Variants in PTPN13 observed in about 807,000 individuals in gnomAD.
The protein encoded by PTPN13 is protein tyrosine phosphatase non-receptor type 13.
In PTPN13, 191 loss-of-function variants were observed where a neutral mutation model predicts 284.0. That is an observed-to-expected ratio of 0.67 (90% confidence interval 0.60 to 0.76). The LOEUF (loss-of-function observed/expected upper bound fraction) is 0.76. Ranked by LOEUF, PTPN13 falls within the 30% of genes least tolerant of loss-of-function variation. The probability of loss-of-function intolerance (pLI) is 0.00; values close to 1 mark genes in which losing one functional copy is unlikely to be tolerated. For synonymous variants in PTPN13, 986 were observed against 1,022.3 expected (o/e 0.96, Z 0.68); for missense variants, 2,797 against 2,939.9 (o/e 0.95, Z 1.12).
rs773683582 is a variant in PTPN13 at position 86,717,079 on chromosome 4, A to G, written c.1347A>G (p.Val449=). 1.2e-5 allele frequency: 19 copies of G among 1,613,192 alleles called. No homozygotes were observed. The East Asian group carries it at 3.6e-4, about 30-fold the overall frequency. ...RFESSSGLPG[V]DETLSQGQSQ... ...AATCCAGCAGTGGTCTCCCAGGGGT[A>G]GATGAAACCTTAAGTCAAGGCCAGT... The change falls in exon 9 of 48, where the codon GTA becomes GTG. Residue 449 remains valine (V), a synonymous_variant. Coordinates refer to ENST00000411767, the MANE Select transcript of PTPN13 (RefSeq NM_080683.3).
intron 1 of PTPN13, among the ~76,000 whole-genome samples, chr4:86,632,812 T>A (rs933397878): frequency 6.6e-6 from 1 of 151,992 alleles, no homozygotes; most frequent in Non-Finnish European, 1.5e-5. Flanking sequence ...TTTAAAAAAA[T>A]TCTTTTTAGT....
chr4:86,750,942 G>T, intron 18 of PTPN13, 55 bp downstream of exon 18: 1 of 1,569,638 alleles, frequency 6.4e-7, no homozygotes, highest in South Asian at 1.2e-5. Context: ...CATTTCATAC[G>T]TTTCTTTTTG....
chr4:86,784,628 G>A, intron 38 of PTPN13, 70 bp downstream of exon 38: 3 of 981,184 alleles, frequency 3.1e-6, no homozygotes, highest in Non-Finnish European at 4.6e-6. Context: ...AAAAAAATAG[G>A]TATCCTCTTT....
At chr4:86,655,887 C>A (rs1006994104) in intron 2 of PTPN13, among the ~76,000 whole-genome samples, 1 of 152,164 alleles carries the variant, frequency 6.6e-6, no homozygotes, top group Non-Finnish European at 1.5e-5. Flanking sequence ...ACCAATCAGA[C>A]GTAGATTTGG....
chr4:86,598,144 T>C (rs1390248972), intron 1 of PTPN13, among the ~76,000 whole-genome samples: 1 of 151,436 alleles, frequency 6.6e-6, no homozygotes, highest in African/African-American at 2.4e-5. Context: ...TTTTTTGCTT[T>C]GTTGTGCTTT....
At chr4:86,780,539 T>G in intron 36 of PTPN13, 67 bp downstream of exon 36, 2 of 1,069,722 alleles carry the variant, frequency 1.9e-6, no homozygotes, top group Admixed American at 3.9e-5. Context: ...ACATCCATTT[T>G]GGAAAACAGG....
chr4:86,798,228 C>T (rs1181493144), intron 41 of PTPN13, among the ~76,000 whole-genome samples: 1 of 152,180 alleles, frequency 6.6e-6, no homozygotes, highest in Non-Finnish European at 1.5e-5. Context: ...TGAGCAGGAA[C>T]ATAGTCACAC....
chr4:86,608,348 G>A (rs746225152), intron 1 of PTPN13, among the ~76,000 whole-genome samples: 1 of 151,968 alleles, frequency 6.6e-6, no homozygotes, highest in African/African-American at 2.4e-5. Flanking sequence ...TTCTAAATAT[G>A]GAGGAAGCTT....
Position 86,750,877 on chromosome 4 carries a change from A to G in PTPN13, c.3058A>G (p.Lys1020Glu). Residue 1020 changes from lysine to glutamate, a missense_variant, in exon 18 of 48, where the codon AAA (lysine) becomes GAA (glutamate). Coordinates refer to ENST00000411767, the MANE Select transcript of PTPN13 (RefSeq NM_080683.3). ...TGCAGAATCTTTGGCAGGAGTGACA[A>G]AACTTAATAAGTAAGAACATATTAA... is the stretch of plus-strand genomic sequence containing the variant. Reference protein sequence around the residue: ...SDAESLAGVTKLNNSKSVASL... With the variant: ...SDAESLAGVTELNNSKSVASL... 6.2e-7 allele frequency: 1 copy of G among 1,613,010 alleles called. No homozygotes were observed. The highest frequency in any genetic ancestry group is 8.5e-7 in the Non-Finnish European group (1 of 1,179,462).
At chr4:86,810,907 C>A in intron 46 of PTPN13, 139 bp from the exon 47 acceptor site, 1 of 636,080 alleles carries the variant, frequency 1.6e-6, no homozygotes, top group Non-Finnish European at 2.5e-6. Context: ...TCATTTTGTC[C>A]AGGAGAGTTT....
chr4:86,774,401 A>G lies in PTPN13; in HGVS notation c.5378A>G (p.Lys1793Arg). 1 of 1,607,496 alleles carries G rather than the reference A, an allele frequency of 6.2e-7. No homozygotes were observed. The highest frequency in any genetic ancestry group is 8.5e-7 in the Non-Finnish European group (1 of 1,176,726). ...GTAGAACTCCTCATTACCCTAATTA[A>G]ATCAGAAAAAGGAAGCCTGGGTTTT... ...LEVELLITLI[K>R]SEKGSLGFTV... The change falls in exon 33 of 48, where the codon AAA becomes AGA. Residue 1793 changes from lysine to arginine, a missense_variant. By Grantham distance (26) the Lys-to-Arg change is conservative. Transcript: ENST00000411767.
chr4:86,721,717 C>G (rs1043672611), intron 9 of PTPN13, among the ~76,000 whole-genome samples: 1 of 83,522 alleles, frequency 1.2e-5, no homozygotes, highest in Non-Finnish European at 2.6e-5. Context: ...CCCTCTCCCT[C>G]CCCCTCCCCT....
At chr4:86,621,299 AT>A (rs1721213248) in intron 1 of PTPN13, among the ~76,000 whole-genome samples, 1 of 152,214 alleles carries the variant, frequency 6.6e-6, no homozygotes, top group Non-Finnish European at 1.5e-5. Context: ...TGTAGCCCTC[AT>A]GTATTTAGAC....
intron 6 of PTPN13, among the ~76,000 whole-genome samples, chr4:86,695,385 AAT>A (rs1213552295): frequency 1.3e-5 from 2 of 152,026 alleles, no homozygotes; most frequent in Admixed American, 6.5e-5. Flanking sequence ...TGTAGGTAAA[AAT>A]ATGTTTATTT....
chr4:86,799,316 GCT>G, intron 42 of PTPN13, 112 bp downstream of exon 42: 2 of 505,330 alleles, frequency 4.0e-6, no homozygotes, highest in South Asian at 4.3e-5. Context: ...TACATTATTT[GCT>G]TTTTTTTTTT....
Position 86,812,309 on chromosome 4 carries a change from CAAAAAAAAAA to C in PTPN13, c.7362+1216_7362+1225del, listed in dbSNP as rs555017151. On this transcript the variant is annotated intron_variant, in intron 47 of 47. Transcript: ENST00000411767. ...TGGGCGACAGAGCGAGACTCCGTCT[CAAAAAAAAAA>C]AAAAAAAAAAAAAAGGAACTCTTCT... Among the ~76,000 whole-genome samples, 36 of 58,730 alleles carry C rather than the reference CAAAAAAAAAA, an allele frequency of 6.1e-4. No individual in the cohort carries two copies. The South Asian group carries it at 7.6e-3, about 12-fold the overall frequency. The allele number at this position is 58,730 out of a possible 152,430, so 38.5% of individuals were successfully genotyped here.
chr4:86,803,887 C>G (rs778653094), intron 43 of PTPN13, 30 bp downstream of exon 43: 7 of 1,606,844 alleles, frequency 4.4e-6, no homozygotes, highest in Non-Finnish European at 6.0e-6. Context: ...GATTCTCTCC[C>G]AAAGTGTATG....
intron 7 of PTPN13, among the ~76,000 whole-genome samples, chr4:86,711,432 A>G (rs887802792): frequency 8.6e-5 from 13 of 152,014 alleles, no homozygotes; most frequent in African/African-American, 2.4e-5. Context: ...GTTTATGTAC[A>G]TTTATTTACA....
At chr4:86,725,388 G>T (rs1412534415) in intron 10 of PTPN13, among the ~76,000 whole-genome samples, 1 of 149,108 alleles carries the variant, frequency 6.7e-6, no homozygotes, top group African/African-American at 2.4e-5. Flanking sequence ...TTGAGTAATC[G>T]CCACACTGTC....
Sources: gnomAD v4.1 joint callset for allele counts (sites outside exome capture counted in the v4.1 genomes callset) on GRCh38, gnomAD v4.1.1 for gene constraint, MANE v1.5 for transcripts, NCBI Gene and HGNC (gene_info 2026-07-23, HGNC 2026-07-21) for gene names.